The following NRG1 variants were observed in gnomAD, a reference collection of about 807,000 sequenced individuals.
NRG1 encodes the protein neuregulin 1.
Under a neutral mutation model 63.8 loss-of-function variants are expected in NRG1, and 18 were observed. That is an observed-to-expected ratio of 0.28 (90% confidence interval 0.19 to 0.42). The LOEUF (loss-of-function observed/expected upper bound fraction) is 0.42, where lower values mean the gene tolerates loss of function less well. Ranked by LOEUF, NRG1 falls within the 10% of genes least tolerant of loss-of-function variation. NRG1 has a pLI of 1.00. For missense variants in NRG1, 762 were observed against 814.7 expected (o/e 0.94, Z 0.79); for synonymous variants, 302 against 301.3 (o/e 1.00, Z -0.02).
intron 1 of NRG1, among the ~76,000 whole-genome samples, chr8:32,195,531 G>A (rs1401591366): frequency 6.6e-6 from 1 of 151,656 alleles, no homozygotes; most frequent in Non-Finnish European, 1.5e-5. Context: ...ATTTATATCT[G>A]ACATAATTCT....
At chr8:32,693,271 T>G (rs1812307276) in intron 5 of NRG1, among the ~76,000 whole-genome samples, 1 of 149,768 alleles carries the variant, frequency 6.7e-6, no homozygotes, top group Non-Finnish European at 1.5e-5. Flanking sequence ...CAGGCTGGAG[T>G]GCAGTGGCAC....
At chr8:31,969,737 T>C (rs1218363210) in intron 1 of NRG1, among the ~76,000 whole-genome samples, 1 of 152,210 alleles carries the variant, frequency 6.6e-6, no homozygotes, top group Non-Finnish European at 1.5e-5. Context: ...GTTTCTTTCT[T>C]AAGCTCTTCA....
At chr8:32,423,220 G>T (rs949823360) in intron 1 of NRG1, among the ~76,000 whole-genome samples, 5 of 152,178 alleles carry the variant, frequency 3.3e-5, no homozygotes, top group African/African-American at 1.2e-4. Flanking sequence ...TGTTTTAAAG[G>T]TTATTGTCTC....
chr8:32,574,208 T>C (rs999987391), intron 1 of NRG1, among the ~76,000 whole-genome samples: 2 of 152,200 alleles, frequency 1.3e-5, no homozygotes, highest in African/African-American at 4.8e-5. Flanking sequence ...GAAGATTTTA[T>C]ACATTACTAA....
intron 7 of NRG1, among the ~76,000 whole-genome samples, chr8:32,773,894 A>G (rs1467366777): frequency 1.3e-5 from 2 of 152,146 alleles, no homozygotes; most frequent in East Asian, 1.9e-4. Flanking sequence ...CTAGTTCCCC[A>G]ATACACCACA....
chr8:32,076,979 TC>T (rs1826666711), intron 1 of NRG1, among the ~76,000 whole-genome samples: 1 of 152,226 alleles, frequency 6.6e-6, no homozygotes, highest in South Asian at 2.1e-4. Context: ...GTAAGATTAA[TC>T]TACAACCCAG....
chr8:32,301,561 G>A (rs1213047488), intron 1 of NRG1, among the ~76,000 whole-genome samples: 1 of 152,120 alleles, frequency 6.6e-6, no homozygotes, highest in African/African-American at 2.4e-5. Flanking sequence ...ACCCAAGACT[G>A]GACAATTTAC....
At chr8:32,610,506 T>G (rs1419733481) in intron 3 of NRG1, among the ~76,000 whole-genome samples, 2 of 152,156 alleles carry the variant, frequency 1.3e-5, no homozygotes, top group Non-Finnish European at 2.9e-5. Flanking sequence ...TAGATCTATC[T>G]GGATTAGTGA....
At chr8:32,104,302 T>C (rs1052160573) in intron 1 of NRG1, among the ~76,000 whole-genome samples, 1 of 152,188 alleles carries the variant, frequency 6.6e-6, no homozygotes, top group Admixed American at 6.5e-5. Flanking sequence ...CACAGTAAAA[T>C]ATGGTATAAA....
intron 1 of NRG1, among the ~76,000 whole-genome samples, chr8:32,435,826 G>A (rs529783970): frequency 2.6e-5 from 4 of 152,238 alleles, no homozygotes; most frequent in East Asian, 1.9e-4. Flanking sequence ...AATATAGGAT[G>A]TACATCCTAA....
At chr8:32,492,028 A>C (rs1482488509) in intron 1 of NRG1, among the ~76,000 whole-genome samples, 1 of 152,216 alleles carries the variant, frequency 6.6e-6, no homozygotes, top group Non-Finnish European at 1.5e-5. Flanking sequence ...TATTCTACAC[A>C]AAGCTACATT....
intron 1 of NRG1, among the ~76,000 whole-genome samples, chr8:32,123,122 A>G (rs1223006793): frequency 6.6e-6 from 1 of 151,986 alleles, no homozygotes; most frequent in South Asian, 2.1e-4. Flanking sequence ...TAATGATCAG[A>G]TTCACAGTGA....
intron 1 of NRG1, among the ~76,000 whole-genome samples, chr8:31,654,139 A>T (rs536592714): frequency 6.6e-6 from 1 of 152,224 alleles, no homozygotes; most frequent in Admixed American, 6.5e-5. Context: ...AATAACTGTC[A>T]TTATGGACTC....
intron 1 of NRG1, among the ~76,000 whole-genome samples, chr8:32,360,899 G>A (rs750885173): frequency 2.6e-5 from 4 of 152,150 alleles, no homozygotes; most frequent in South Asian, 2.1e-4. Flanking sequence ...GTTTTGACTG[G>A]TGGTTCGGAG....
At chr8:32,252,406 TG>T (rs1849220738) in intron 1 of NRG1, among the ~76,000 whole-genome samples, 1 of 152,198 alleles carries the variant, frequency 6.6e-6, no homozygotes, top group East Asian at 1.9e-4. Flanking sequence ...TTCAGTTTTT[TG>T]CATATGGCTA....
intron 1 of NRG1, among the ~76,000 whole-genome samples, chr8:31,892,898 T>A (rs1386460159): frequency 6.6e-6 from 1 of 151,994 alleles, no homozygotes; most frequent in African/African-American, 2.4e-5. Context: ...ATTTGAAAAA[T>A]ATATATAATT....
chr8:32,010,551 A>C (rs1814585934), intron 1 of NRG1, among the ~76,000 whole-genome samples: 1 of 152,058 alleles, frequency 6.6e-6, no homozygotes, highest in Non-Finnish European at 1.5e-5. Context: ...CCTGTATTGC[A>C]TAATAGAAGA....
intron 2 of NRG1, among the ~76,000 whole-genome samples, chr8:32,596,477 T>A (rs1181856100): frequency 6.6e-6 from 1 of 151,630 alleles, no homozygotes; most frequent in Non-Finnish European, 1.5e-5. Flanking sequence ...GGTGGGCGCC[T>A]GTAATCCCAG....
chr8:32,023,297 A>C (rs1018010760), intron 1 of NRG1, among the ~76,000 whole-genome samples: 1 of 152,242 alleles, frequency 6.6e-6, no homozygotes, highest in African/African-American at 2.4e-5. Context: ...GTTATAAGAC[A>C]TTGAGTTTCG....
Sources: gnomAD v4.1 joint callset for allele counts (sites outside exome capture counted in the v4.1 genomes callset) on GRCh38, gnomAD v4.1.1 for gene constraint, MANE v1.5 for transcripts, NCBI Gene and HGNC (gene_info 2026-07-23, HGNC 2026-07-21) for gene names.